The following SYT1 variants were observed in gnomAD, a reference collection of about 807,000 sequenced individuals.
SYT1 encodes synaptotagmin-1.
SYT1 carries 8 observed loss-of-function variants against 44.8 expected under a neutral mutation model. The ratio of observed to expected loss-of-function variants is 0.18; its 90% CI spans 0.10 to 0.32. The LOEUF is 0.32. Among genes scored for constraint, SYT1 ranks in the 10% least tolerant of loss-of-function variants. SYT1 has a pLI of 1.00. For missense variants in SYT1, 286 were observed against 509.3 expected, an observed-to-expected ratio of 0.56 and a Z score of 4.22; for synonymous variants, 154 against 188.8, an observed-to-expected ratio of 0.82 and a Z score of 1.51.
At chr12:78,933,555 C>A (rs1565725148) in intron 1 of SYT1, among the ~76,000 whole-genome samples, 1 of 152,236 alleles carries the variant, frequency 6.6e-6, no homozygotes, top group East Asian at 1.9e-4. Flanking sequence ...TCTTTTCACT[C>A]TACTTGTCAA....
intron 2 of SYT1, among the ~76,000 whole-genome samples, chr12:79,021,208 C>G (rs1047482180): frequency 6.6e-6 from 1 of 151,910 alleles, no homozygotes; most frequent in Non-Finnish European, 1.5e-5. Flanking sequence ...ACAAACTCAT[C>G]TCTGCAGCAG....
chr12:79,077,263 C>A (rs1449941333), intron 3 of SYT1, among the ~76,000 whole-genome samples: 2 of 152,142 alleles, frequency 1.3e-5, no homozygotes, highest in African/African-American at 4.8e-5. Context: ...TGCCCAGATA[C>A]AAAGCACTGC....
At chr12:79,003,423 T>C (rs1301091337) in intron 2 of SYT1, among the ~76,000 whole-genome samples, 5 of 151,986 alleles carry the variant, frequency 3.3e-5, no homozygotes, top group South Asian at 4.1e-4. Context: ...ATTAGCAATA[T>C]TGCAACACAT....
chr12:79,384,517 C>T lies in SYT1; in HGVS notation c.928+30898C>T, dbSNP rs562132413. Among the ~76,000 whole-genome samples, 12 of 152,264 alleles carry T rather than the reference C, an allele frequency of 7.9e-5. No individual in the cohort carries two copies. The South Asian group carries it at 2.3e-3, about 29-fold the overall frequency. On this transcript the variant is annotated intron_variant, in intron 9 of 10. Transcript: ENST00000261205. ...AAAATGCTTAATACTCAGCTTAACA[C>T]TAGCATGTAAAATGTATGTGAATTC...
chr12:79,194,785 A>C (rs1308553781), intron 3 of SYT1, among the ~76,000 whole-genome samples: 1 of 152,120 alleles, frequency 6.6e-6, no homozygotes, highest in Admixed American at 6.6e-5. Context: ...TTTAATCATT[A>C]GTCATTTCTT....
chr12:79,085,528 G>A (rs926039234), intron 3 of SYT1, among the ~76,000 whole-genome samples: 1 of 152,106 alleles, frequency 6.6e-6, no homozygotes, highest in African/African-American at 2.4e-5. Context: ...GGCCACTGAA[G>A]TGTTATGACC....
At chr12:79,002,568 C>G (rs1870813182) in intron 2 of SYT1, among the ~76,000 whole-genome samples, 1 of 151,862 alleles carries the variant, frequency 6.6e-6, no homozygotes, top group Non-Finnish European at 1.5e-5. Flanking sequence ...TTTCGGTATC[C>G]AGGTAGGGAG....
chr12:79,184,795 T>G (rs1592833043), intron 3 of SYT1, among the ~76,000 whole-genome samples: 2 of 152,096 alleles, frequency 1.3e-5, no homozygotes, highest in Admixed American at 1.3e-4. Flanking sequence ...AATGGAAATC[T>G]AATTTGCACC....
chr12:79,368,244 T>G (rs1883634031), intron 9 of SYT1, among the ~76,000 whole-genome samples: 1 of 152,162 alleles, frequency 6.6e-6, no homozygotes, highest in African/African-American at 2.4e-5. Context: ...TTTTTATGGC[T>G]GCATAGTATT....
At chr12:79,382,588 G>T (rs1015378724) in intron 9 of SYT1, among the ~76,000 whole-genome samples, 1 of 152,018 alleles carries the variant, frequency 6.6e-6, no homozygotes, top group Non-Finnish European at 1.5e-5. Context: ...TTAAAAAAAA[G>T]AAAAGAAAAA....
chr12:79,387,620 T>A (rs1337589969), intron 9 of SYT1, among the ~76,000 whole-genome samples: 1 of 152,254 alleles, frequency 6.6e-6, no homozygotes, highest in Non-Finnish European at 1.5e-5. Flanking sequence ...GCTATTTAAA[T>A]GTCAACTGTG....
chr12:79,156,685 T>G (rs1870620154), intron 3 of SYT1, among the ~76,000 whole-genome samples: 1 of 152,138 alleles, frequency 6.6e-6, no homozygotes, highest in Non-Finnish European at 1.5e-5. Context: ...GCCAGGATGG[T>G]CTTGATCTCC....
In SYT1 at chr12:79,299,557, G is replaced by A. The variant is rs755379148; in HGVS notation, c.810+6G>A. On this transcript the variant is annotated splice_donor_region_variant and intron_variant, in intron 8 of 10. Coordinates refer to ENST00000261205, the MANE Select transcript of SYT1 (RefSeq NM_005639.3). ...AAAGTGCTGAGAAGGAAGAGGTAAG[G>A]GAATTACTAGCATTTCTAACATCAC... 6.2e-7 allele frequency: 1 copy of A among 1,609,960 alleles called. No homozygotes were observed. Among genetic ancestry groups the A allele is most frequent in the African/African-American group, 1.3e-5 (1 of 74,700 alleles).
At chr12:79,251,700 T>G (rs1220455937) in intron 4 of SYT1, among the ~76,000 whole-genome samples, 1 of 152,164 alleles carries the variant, frequency 6.6e-6, no homozygotes, top group Non-Finnish European at 1.5e-5. Context: ...CAGTAAAAAG[T>G]GTGTTCAATC....
intron 1 of SYT1, among the ~76,000 whole-genome samples, chr12:78,924,432 G>A (rs1877185389): frequency 6.6e-6 from 1 of 151,524 alleles, no homozygotes; most frequent in Non-Finnish European, 1.5e-5. Context: ...TGATTCTTAT[G>A]TGAATTCTTA....
intron 2 of SYT1, among the ~76,000 whole-genome samples, chr12:79,016,772 A>C (rs908478437): frequency 1.3e-5 from 2 of 152,158 alleles, no homozygotes; most frequent in Non-Finnish European, 2.9e-5. Context: ...AAATATCTGC[A>C]TTTGGTCTCC....
intron 9 of SYT1, among the ~76,000 whole-genome samples, chr12:79,396,358 G>A (rs1254069419): frequency 2.6e-5 from 4 of 152,090 alleles, no homozygotes; most frequent in Non-Finnish European, 4.4e-5. Flanking sequence ...AATATTAAAT[G>A]TATAAGTATT....
At chr12:79,248,283 A>G (rs1365028078) in intron 4 of SYT1, among the ~76,000 whole-genome samples, 1 of 152,204 alleles carries the variant, frequency 6.6e-6, no homozygotes, top group Non-Finnish European at 1.5e-5. Flanking sequence ...GGGTACAGTA[A>G]GATTAGATTG....
chr12:78,866,641 A>T (rs1276104986), intron 1 of SYT1, among the ~76,000 whole-genome samples: 1 of 152,160 alleles, frequency 6.6e-6, no homozygotes, highest in African/African-American at 2.4e-5. Flanking sequence ...AGATGGAAGG[A>T]GGTATAGAGA....
Sources: gnomAD v4.1 joint callset for allele counts (sites outside exome capture counted in the v4.1 genomes callset) on GRCh38, gnomAD v4.1.1 for gene constraint, MANE v1.5 for transcripts, NCBI Gene and HGNC (gene_info 2026-07-23, HGNC 2026-07-21) for gene names.